OR3A2: variants seen among roughly 807,000 people sequenced by gnomAD.
The protein encoded by OR3A2 is olfactory receptor 3A2.
For missense variants in OR3A2, 318 were observed against 392.8 expected, an observed-to-expected ratio of 0.81 and a Z score of 1.61; for synonymous variants, 126 against 159.3, an observed-to-expected ratio of 0.79 and a Z score of 1.57.
chr17:3,345,432 G>C (rs1430687958), intron 2 of OR3A2, among the ~76,000 whole-genome samples: 2 of 88,260 alleles, frequency 2.3e-5, no homozygotes, highest in African/African-American at 5.0e-5. Context: ...GAGAGAGAGA[G>C]AGAGAGATAG....
At position 3,321,095 on chromosome 17, in the gene OR3A2, A is replaced by G. The variant is rs976501683; in HGVS notation, c.-85+14938T>C. Among the ~76,000 whole-genome samples the G allele has an allele frequency of 5.9e-5, 9 of 152,164 alleles. No homozygotes were observed. The South Asian group carries it at 1.9e-3, about 32-fold the overall frequency. On this transcript the variant is annotated intron_variant, in intron 3 of 4. Coordinates refer to the OR3A2 transcript ENST00000573491. The stretch of plus-strand genomic sequence containing the variant: ...AGTTCTCCTTGAAGAGGTCCTTCAC[A>G]TCCTTTGTAAGTTGGATTCCTAGGT...
chr17:3,380,917 G>T (rs1322392757), intron 2 of OR3A2, among the ~76,000 whole-genome samples: 1 of 152,216 alleles, frequency 6.6e-6, no homozygotes, highest in Non-Finnish European at 1.5e-5. Context: ...ATGTTTGCGT[G>T]TAAGATTCAC....
intron 2 of OR3A2, among the ~76,000 whole-genome samples, chr17:3,341,854 A>C (rs1478847328): frequency 3.9e-5 from 6 of 152,288 alleles, no homozygotes; most frequent in Non-Finnish European, 8.8e-5. Context: ...TATCTTGAAG[A>C]GTGTTTTCCA....
At chr17:3,329,383 T>A (rs913121473) in intron 3 of OR3A2, among the ~76,000 whole-genome samples, 1 of 150,846 alleles carries the variant, frequency 6.6e-6, no homozygotes, top group African/African-American at 2.4e-5. Context: ...TTGCCACAAT[T>A]TCAGCTCCCG....
At chr17:3,368,292 A>G (rs231403) in intron 2 of OR3A2, among the ~76,000 whole-genome samples, 105,733 of 152,080 alleles carry the variant, frequency 0.7, 38,384 homozygotes, top group East Asian at 1. Context: ...TGGGTTCTTG[A>G]TCATAAATTC....
intron 2 of OR3A2, among the ~76,000 whole-genome samples, chr17:3,369,455 G>C (rs1287941708): frequency 6.6e-6 from 1 of 152,130 alleles, no homozygotes; most frequent in Non-Finnish European, 1.5e-5. Flanking sequence ...AAGGATGCTG[G>C]ATTTTGTCAA....
At chr17:3,282,645 A>T (rs2048784629) in intron 1 of OR3A2, among the ~76,000 whole-genome samples, 2 of 152,208 alleles carry the variant, frequency 1.3e-5, no homozygotes, top group Non-Finnish European at 2.9e-5. Flanking sequence ...AAGTTCTAAG[A>T]TCACATGACT....
intron 2 of OR3A2, among the ~76,000 whole-genome samples, chr17:3,339,314 G>A (rs143717217): frequency 6.6e-6 from 1 of 152,300 alleles, no homozygotes; most frequent in African/African-American, 2.4e-5. Context: ...TGTTCAATAG[G>A]AGTGGTGAGA....
chr17:3,374,688 G>T (rs1468177415), intron 2 of OR3A2, among the ~76,000 whole-genome samples: 1 of 151,960 alleles, frequency 6.6e-6, no homozygotes, highest in Non-Finnish European at 1.5e-5. Context: ...TTCCCCCATG[G>T]TCCTTCAAGA....
intron 3 of OR3A2, chr17:3,310,177 G>T: frequency 5.3e-6 from 2 of 375,356 alleles, no homozygotes; most frequent in Non-Finnish European, 1.1e-5. Context: ...CATTTCATGC[G>T]TTCTTCCATC....
At chr17:3,366,966 G>T (rs1315122287) in intron 2 of OR3A2, among the ~76,000 whole-genome samples, 1 of 152,208 alleles carries the variant, frequency 6.6e-6, no homozygotes, top group African/African-American at 2.4e-5. Context: ...AAGCCAGGGA[G>T]TGAGATTACC....
chr17:3,282,530 C>G (rs2048783574), intron 1 of OR3A2, among the ~76,000 whole-genome samples: 1 of 152,176 alleles, frequency 6.6e-6, no homozygotes, highest in South Asian at 2.1e-4. Flanking sequence ...GATGACCAGC[C>G]TTCCAAATGA....
chr17:3,290,995 A>C (rs1254440242), intron 3 of OR3A2: 3 of 152,202 alleles, frequency 2.0e-5, no homozygotes, highest in Non-Finnish European at 4.4e-5. Flanking sequence ...ATGGAGTTTT[A>C]GCATTTGGAA....
intron 3 of OR3A2, among the ~76,000 whole-genome samples, chr17:3,301,327 A>G (rs536192485): frequency 6.6e-6 from 1 of 152,192 alleles, no homozygotes; most frequent in East Asian, 1.9e-4. Context: ...AAGTGTTCCT[A>G]TTTCTTCACA....
chr17:3,314,514 C>T lies in OR3A2; in HGVS notation c.-85+21519G>A, dbSNP rs2049066403. ...ATGATGATGTAAACATGTGTATGGG[C>T]TGAAAATCCTGGAGGAAAACCCGTA... On this transcript the variant is annotated intron_variant, in intron 3 of 4. Transcript: ENST00000573491. 2.0e-5 allele frequency among the ~76,000 whole-genome samples: 3 copies of T among 152,034 alleles called. No homozygotes were observed. The South Asian group carries it at 6.2e-4, about 32-fold the overall frequency.
At chr17:3,360,228 A>G (rs188025250) in intron 2 of OR3A2, among the ~76,000 whole-genome samples, 8 of 150,678 alleles carry the variant, frequency 5.3e-5, no homozygotes, top group African/African-American at 1.7e-4. Flanking sequence ...TCTTTTGCGA[A>G]GTGTCTGTTC....
chr17:3,358,404 T>C (rs569727352), intron 2 of OR3A2, among the ~76,000 whole-genome samples: 1 of 151,888 alleles, frequency 6.6e-6, no homozygotes, highest in South Asian at 2.1e-4. Context: ...CTTTTTGATG[T>C]GGGCATTTAG....
upstream of OR3A2, among the ~76,000 whole-genome samples, chr17:3,286,296 T>G (rs139997307): frequency 2.5e-3 from 375 of 152,354 alleles, 4 homozygotes; most frequent in African/African-American, 8.7e-3. Flanking sequence ...GTGCCACATT[T>G]TCTTTATCCA....
chr17:3,308,898 T>A (rs2049018283), intron 3 of OR3A2, among the ~76,000 whole-genome samples: 1 of 139,760 alleles, frequency 7.2e-6, no homozygotes, highest in African/African-American at 2.7e-5. Context: ...TTGAGGTGGA[T>A]CACTGAGTAT....
Sources: gnomAD v4.1 joint callset for allele counts (sites outside exome capture counted in the v4.1 genomes callset) on GRCh38, gnomAD v4.1.1 for gene constraint, MANE v1.5 for transcripts, NCBI Gene and HGNC (gene_info 2026-07-23, HGNC 2026-07-21) for gene names.